FAXDC2: variants seen among roughly 807,000 people sequenced by gnomAD.
FAXDC2 encodes the protein fatty acid hydroxylase domain containing 2.
Under a neutral mutation model 40.9 loss-of-function variants are expected in FAXDC2, and 41 were observed. The ratio of observed to expected loss-of-function variants is 1.00; its 90% CI spans 0.78 to 1.30. FAXDC2 has a LOEUF of 1.30. FAXDC2 is among the 50% of genes most tolerant of loss of function. The probability of loss-of-function intolerance (pLI) is 0.00; values close to 1 mark genes in which losing one functional copy is unlikely to be tolerated. For missense variants in FAXDC2, 390 were observed against 408.8 expected (o/e 0.95, Z 0.40); for synonymous variants, 157 against 149.3 (o/e 1.05, Z -0.38).
intron 5 of FAXDC2, among the ~76,000 whole-genome samples, chr5:154,825,502 C>T (rs1169425897): frequency 6.7e-6 from 1 of 149,870 alleles, no homozygotes; most frequent in Non-Finnish European, 1.5e-5. Context: ...ACTAAAAATA[C>T]AAAAATTAGC....
Position 154,832,368 on chromosome 5 carries a change from C to A in FAXDC2, c.245-1446G>T, listed in dbSNP as rs147046135. On this transcript the variant is annotated intron_variant, in intron 4 of 8. Coordinates refer to ENST00000326080, the MANE Select transcript of FAXDC2 (RefSeq NM_032385.5). ...AGCTGGGACTACTGGCGCCCGCCAC[C>A]GCGCCCGACTAATTTTTTGTATTTT... Among the ~76,000 whole-genome samples, 4 of 152,228 alleles carry A rather than the reference C, an allele frequency of 2.6e-5. No individual in the cohort carries two copies. The East Asian group carries it at 7.7e-4, about 29-fold the overall frequency.
intron 1 of FAXDC2, among the ~76,000 whole-genome samples, chr5:154,843,328 C>G (rs902903148): frequency 2.0e-5 from 3 of 152,212 alleles, no homozygotes; most frequent in South Asian, 2.1e-4. Flanking sequence ...GCAAAGCAAA[C>G]GAGACATGGC....
At chr5:154,848,383 T>TA (rs1359215489) in intron 1 of FAXDC2, among the ~76,000 whole-genome samples, 1 of 152,218 alleles carries the variant, frequency 6.6e-6, no homozygotes, top group Non-Finnish European at 1.5e-5. Context: ...ACACTTTGCC[T>TA]AGTGCTGTAT....
intron 1 of FAXDC2, among the ~76,000 whole-genome samples, chr5:154,848,313 G>A (rs76259539): frequency 0.1 from 15,979 of 152,186 alleles, 953 homozygotes; most frequent in African/African-American, 0.16. Flanking sequence ...GGAAGCCCTA[G>A]TTAGTAGAAA....
At chr5:154,825,353 C>A (rs559791931) in intron 5 of FAXDC2, among the ~76,000 whole-genome samples, 11,946 of 37,482 alleles carry the variant, frequency 0.32, 535 homozygotes, top group Admixed American at 0.44. Flanking sequence ...GGTGACAGAG[C>A]AAGACTCCAT....
At chr5:154,843,788 A>C (rs62382171) in intron 1 of FAXDC2, among the ~76,000 whole-genome samples, 275 of 152,380 alleles carry the variant, frequency 1.8e-3, no homozygotes, top group Admixed American at 3.4e-3. Flanking sequence ...AGTTAAGAAG[A>C]AGCAGTATAC....
At chr5:154,829,624 A>ACGT (rs1280069253) in intron 5 of FAXDC2, 1 of 154,400 alleles carries the variant, frequency 6.5e-6, no homozygotes, top group Non-Finnish European at 1.5e-5. Flanking sequence ...ACAAGGTTGT[A>ACGT]CAGACGGCAG....
intron 5 of FAXDC2, chr5:154,824,748 A>G: frequency 1.8e-6 from 1 of 570,828 alleles, no homozygotes; most frequent in East Asian, 2.9e-5. Context: ...CCCCCATGGA[A>G]TTTATGTTCC....
At chr5:154,845,974 A>ATT (rs942959676) in intron 1 of FAXDC2, among the ~76,000 whole-genome samples, 30 of 148,466 alleles carry the variant, frequency 2.0e-4, no homozygotes, top group South Asian at 1.5e-3. Flanking sequence ...ATATATATAT[A>ATT]TTTTTTTTTA....
intron 1 of FAXDC2, among the ~76,000 whole-genome samples, chr5:154,840,534 T>C (rs1318610195): frequency 6.6e-6 from 1 of 152,042 alleles, no homozygotes; most frequent in South Asian, 2.1e-4. Context: ...TCATTCACAT[T>C]TCTTTTTTTT....
chr5:154,834,580 A>C (rs1016538122), intron 4 of FAXDC2, 45 bp downstream of exon 4: 1 of 1,280,112 alleles, frequency 7.8e-7, no homozygotes, highest in East Asian at 2.3e-5. Flanking sequence ...ATTAAGTTAT[A>C]ATCATGCACC....
intron 2 of FAXDC2, among the ~76,000 whole-genome samples, chr5:154,836,707 G>C (rs1339856457): frequency 3.3e-5 from 5 of 152,022 alleles, no homozygotes; most frequent in African/African-American, 1.2e-4. Flanking sequence ...CTGGAGTGCA[G>C]TGGTGCAGTC....
chr5:154,824,657 T>G, intron 5 of FAXDC2: 1 of 679,894 alleles, frequency 1.5e-6, no homozygotes, highest in Non-Finnish European at 2.7e-6. Context: ...TTTATTTAAC[T>G]GATATTTATT....
Position 154,834,840 on chromosome 5 carries a change from T to TA in FAXDC2, c.140+2dup, listed in dbSNP as rs759536764. ...GCACCCTAGCTGGGTGGAGCCGACT[T>TA]ACCATGTCACTGAGTTCCAGAAGGC... On this transcript the variant is annotated splice_region_variant and intron_variant, in intron 3 of 8. Coordinates refer to ENST00000326080, the MANE Select transcript of FAXDC2 (RefSeq NM_032385.5). 7.6e-5 allele frequency: 123 copies of TA among 1,610,508 alleles called. No homozygotes were observed. The highest frequency in any genetic ancestry group is 3.3e-4 in the Middle Eastern group (2 of 6,082).
Position 154,820,084 on chromosome 5 carries a change from G to A in FAXDC2, c.*232C>T. The A allele has an allele frequency of 2.2e-6, 1 of 449,612 alleles. No homozygotes were observed. The highest frequency in any genetic ancestry group is 2.0e-5 in the African/African-American group (1 of 49,180). The allele number at this position is 449,612 out of a possible 1,614,324, so 27.9% of individuals were successfully genotyped here. On this transcript the variant is annotated 3_prime_UTR_variant, in exon 9 of 9. Coordinates refer to ENST00000326080, the MANE Select transcript of FAXDC2 (RefSeq NM_032385.5). Reference sequence around the variant, plus strand: ...ACCAGCCTCCAGTCTGGGGAGCTGTGTTTTCCTTTTTCTTAAGCTAACTCC... The same window carrying A: ...ACCAGCCTCCAGTCTGGGGAGCTGTATTTTCCTTTTTCTTAAGCTAACTCC...
intron 4 of FAXDC2, among the ~76,000 whole-genome samples, chr5:154,832,314 C>T (rs571181656): frequency 2.1e-3 from 322 of 151,602 alleles, no homozygotes; most frequent in Non-Finnish European, 4.2e-3. Context: ...CCCGGGTTCA[C>T]GCCATTCTCC....
chr5:154,850,282 G>A (rs770533883), intron 1 of FAXDC2, among the ~76,000 whole-genome samples: 3 of 152,194 alleles, frequency 2.0e-5, no homozygotes, highest in Non-Finnish European at 4.4e-5. Context: ...ACAAGGAGGC[G>A]ACTGCACTAC....
At chr5:154,828,475 A>T (rs957257462) in intron 5 of FAXDC2, among the ~76,000 whole-genome samples, 1 of 152,114 alleles carries the variant, frequency 6.6e-6, no homozygotes, top group African/African-American at 2.4e-5. Flanking sequence ...TCACCCACAG[A>T]CAGGAGCAAG....
intron 1 of FAXDC2, among the ~76,000 whole-genome samples, chr5:154,848,537 C>T (rs1760658225): frequency 6.6e-6 from 1 of 152,190 alleles, no homozygotes. Context: ...ACCTCCAGGG[C>T]TGAGGAGACT....
Sources: gnomAD v4.1 joint callset for allele counts (sites outside exome capture counted in the v4.1 genomes callset) on GRCh38, gnomAD v4.1.1 for gene constraint, MANE v1.5 for transcripts, NCBI Gene and HGNC (gene_info 2026-07-23, HGNC 2026-07-21) for gene names.